Variants in KCTD15 observed in about 807,000 individuals in gnomAD.
KCTD15 encodes the protein BTB/POZ domain-containing protein KCTD15.
Under a neutral mutation model 27.2 loss-of-function variants are expected in KCTD15, and 11 were observed. That is an observed-to-expected ratio of 0.41 (90% confidence interval 0.25 to 0.67). The LOEUF is 0.67. Among genes scored for constraint, KCTD15 ranks in the 30% least tolerant of loss-of-function variants. The probability of loss-of-function intolerance (pLI) is 0.35; values close to 1 mark genes in which losing one functional copy is unlikely to be tolerated. For synonymous variants in KCTD15, 163 were observed against 176.0 expected, an observed-to-expected ratio of 0.93 and a Z score of 0.58; for missense variants, 350 against 409.3, an observed-to-expected ratio of 0.86 and a Z score of 1.25.
chr19:33,814,404 G>C lies in KCTD15; in HGVS notation c.*1456G>C, dbSNP rs1168848536. 6.6e-6 allele frequency: 1 copy of C among 152,238 alleles called. No homozygotes were observed. The highest frequency in any genetic ancestry group is 2.4e-5 in the African/African-American group (1 of 41,430). The allele number at this position is 152,238 out of a possible 1,614,324, so 9.4% of individuals were successfully genotyped here. On this transcript the variant is annotated 3_prime_UTR_variant, in exon 7 of 7. Coordinates refer to ENST00000683859, the MANE Select transcript of KCTD15 (RefSeq NM_001129994.2). ...GGAGGAAGGTCAGTGGCTGGGTCCT[G>C]AGCTTGGTGTTATTTATTGCATTTG...
chr19:33,799,705 C>T (rs1268199840), intron 2 of KCTD15: 1 of 152,616 alleles, frequency 6.6e-6, no homozygotes, highest in Non-Finnish European at 1.5e-5. Context: ...TGGCCATCTC[C>T]TGATGCCTCG....
chr19:33,797,992 C>G (rs1358254544), intron 1 of KCTD15, among the ~76,000 whole-genome samples: 1 of 152,100 alleles, frequency 6.6e-6, no homozygotes, highest in Non-Finnish European at 1.5e-5. Flanking sequence ...TCGGGTGCCG[C>G]GGCCACCCCG....
chr19:33,798,076 C>T (rs542589140), intron 1 of KCTD15, among the ~76,000 whole-genome samples: 2,731 of 151,192 alleles, frequency 0.018, 44 homozygotes, highest in South Asian at 0.047. Flanking sequence ...GCTGGCTCCG[C>T]GGCGGAGGCG....
At chr19:33,797,816 A>G (rs1188027236) in intron 1 of KCTD15, among the ~76,000 whole-genome samples, 1 of 152,214 alleles carries the variant, frequency 6.6e-6, no homozygotes, top group Non-Finnish European at 1.5e-5. Context: ...ATTAGTTTCA[A>G]TTAATTTTTT....
chr19:33,801,413 G>T, intron 4 of KCTD15, 71 bp downstream of exon 4: 1 of 1,379,776 alleles, frequency 7.2e-7, no homozygotes, highest in Non-Finnish European at 9.7e-7. Flanking sequence ...CTGCCTAGGG[G>T]GTGGGGTCTC....
rs760088302 is a variant in KCTD15 at position 33,811,556 on chromosome 19, A to G, written c.693+4A>G. 2.5e-6 allele frequency: 4 copies of G among 1,592,978 alleles called. No individual in the cohort carries two copies. The highest frequency in any genetic ancestry group is 2.2e-5 in the East Asian group (1 of 44,506). The stretch of plus-strand genomic sequence containing the variant: ...CTGCCGGCTCAACTCGGTACAGGTG[A>G]GGGCTGCACGCTGCCCCCTCCCCGC... On this transcript the variant is annotated splice_donor_region_variant and intron_variant, in intron 6 of 6. Coordinates refer to ENST00000683859, the MANE Select transcript of KCTD15 (RefSeq NM_001129994.2).
intron 4 of KCTD15, 21 bp from the exon 5 acceptor site, chr19:33,806,842 C>T: frequency 6.2e-7 from 1 of 1,611,506 alleles, no homozygotes; most frequent in Non-Finnish European, 8.5e-7. Context: ...TCAGACATCC[C>T]ACCTCGCCTG....
chr19:33,798,630 A>G (rs934577419), intron 1 of KCTD15, 38 bp from the exon 2 acceptor site: 2 of 152,710 alleles, frequency 1.3e-5, no homozygotes, highest in Admixed American at 6.5e-5. Context: ...ATGAACTTGT[A>G]TCTCTCACTG....
chr19:33,797,145 C>T (rs528207833), intron 1 of KCTD15, among the ~76,000 whole-genome samples, 158 bp downstream of exon 1: 1 of 152,022 alleles, frequency 6.6e-6, no homozygotes, highest in Admixed American at 6.5e-5. Context: ...CGGGGGTGCC[C>T]AGCACAAAGG....
chr19:33,799,151 A>G (rs1245803786), intron 2 of KCTD15, among the ~76,000 whole-genome samples: 1 of 152,160 alleles, frequency 6.6e-6, no homozygotes, highest in East Asian at 1.9e-4. Context: ...GAGGGTATAT[A>G]TTAAACATCA....
At position 33,813,029 on chromosome 19, in the gene KCTD15, TG is replaced by T; in HGVS notation, c.*84del. ...AGTTCTGCCTGTGTATACTTGGCCG[TG>T]GGCATGAGACCGAGGGTGAGGCTGG... On this transcript the variant is annotated 3_prime_UTR_variant, in exon 7 of 7. Transcript: ENST00000683859. 7.1e-7 allele frequency: 1 copy of T among 1,402,648 alleles called. No homozygotes were observed. Among genetic ancestry groups the T allele is most frequent in the South Asian group, 1.3e-5 (1 of 79,888 alleles). 86.9% of individuals were successfully genotyped at this position (1,402,648 alleles called of 1,614,324 possible). A position where few individuals can be genotyped will look rare whatever the true frequency, so the allele number is the denominator to read the frequency against.
intron 4 of KCTD15, 85 bp from the exon 5 acceptor site, chr19:33,806,778 C>A (rs1975724037): frequency 2.7e-6 from 4 of 1,494,462 alleles, no homozygotes; most frequent in Admixed American, 3.6e-5. Context: ...GCCGTGTGGG[C>A]CCTCAGGAGT....
At chr19:33,806,542 G>A (rs954926777) in intron 4 of KCTD15, among the ~76,000 whole-genome samples, 1 of 152,276 alleles carries the variant, frequency 6.6e-6, no homozygotes, top group Non-Finnish European at 1.5e-5. Flanking sequence ...TGTGTAGGGG[G>A]TAAGGTGCCT....
chr19:33,796,278 G>C (rs1047857381), upstream of KCTD15: 7 of 150,366 alleles, frequency 4.7e-5, no homozygotes, highest in African/African-American at 1.5e-4. Flanking sequence ...GGCGGGGGGC[G>C]GGGGGCTGGG....
intron 5 of KCTD15, 56 bp from the exon 6 acceptor site, chr19:33,811,191 T>TCCCCCCCCCCCCCCCCCC: frequency 1.6e-6 from 1 of 615,002 alleles, no homozygotes; most frequent in Non-Finnish European, 2.5e-6. Flanking sequence ...CTCTCCCCCT[T>TCCCCCCCCCCCCCCCCCC]CCCCCACCAC....
At chr19:33,812,140 C>G in intron 6 of KCTD15, 1 of 1,238,774 alleles carries the variant, frequency 8.1e-7, no homozygotes, top group Non-Finnish European at 1.0e-6. Context: ...CCCCTGTGCA[C>G]GCATTCCACA....
chr19:33,808,950 C>G (rs570383984), intron 5 of KCTD15, among the ~76,000 whole-genome samples: 135 of 152,058 alleles, frequency 8.9e-4, no homozygotes, highest in Non-Finnish European at 1.6e-3. Flanking sequence ...GCCTGGACAA[C>G]ATAGCAAGAT....
At position 33,811,122 on chromosome 19, in the gene KCTD15, A is replaced by G. The variant is rs375441278; in HGVS notation, c.388-125A>G. ...AATGGGTGCAACCGGCCCAGTCCAC[A>G]CAATACCCTGCGAGTCGCAGTTCCT... On this transcript the variant is annotated intron_variant, in intron 5 of 6. Coordinates refer to ENST00000683859, the MANE Select transcript of KCTD15 (RefSeq NM_001129994.2). 20 of 811,550 alleles carry G rather than the reference A, an allele frequency of 2.5e-5. No homozygotes were observed. The African/African-American group carries it at 3.5e-4, about 14-fold the overall frequency. The allele number at this position is 811,550 out of a possible 1,614,324, so 50.3% of individuals were successfully genotyped here. A position where few individuals can be genotyped will look rare whatever the true frequency, so the allele number is the denominator to read the frequency against.
intron 5 of KCTD15, 48 bp from the exon 6 acceptor site, chr19:33,811,199 C>CCCCCCCAA: frequency 6.8e-6 from 9 of 1,327,568 alleles, no homozygotes; most frequent in East Asian, 2.6e-5. Context: ...CTTCCCCCAC[C>CCCCCCCAA]ACCCCTACTC....
Sources: gnomAD v4.1 joint callset for allele counts (sites outside exome capture counted in the v4.1 genomes callset) on GRCh38, gnomAD v4.1.1 for gene constraint, MANE v1.5 for transcripts, NCBI Gene and HGNC (gene_info 2026-07-23, HGNC 2026-07-21) for gene names.